Variants in PRKCE observed in about 807,000 individuals in gnomAD.
PRKCE encodes protein kinase C epsilon type.
PRKCE carries 16 observed loss-of-function variants against 85.4 expected under a neutral mutation model. The observed-to-expected ratio is 0.19, with a 90% CI of 0.13 to 0.28. The LOEUF is 0.28. PRKCE is among the 10% of genes least tolerant of loss of function. The pLI, the probability that PRKCE is intolerant of heterozygous loss-of-function variation, is 1.00. For missense variants in PRKCE, 573 were observed against 975.2 expected, an observed-to-expected ratio of 0.59 and a Z score of 5.49; for synonymous variants, 388 against 371.5, an observed-to-expected ratio of 1.04 and a Z score of -0.51.
rs72877712 is a variant in PRKCE at position 46,074,178 on chromosome 2, A to G, written c.1438-12030A>G. 3.1e-3 allele frequency among the ~76,000 whole-genome samples: 469 copies of G among 152,302 alleles called. 3 individuals are homozygous for G. Among genetic ancestry groups the G allele is most frequent in the African/African-American group, 0.01 (433 of 41,572 alleles). On this transcript the variant is annotated intron_variant, in intron 10 of 14. Coordinates refer to ENST00000306156, the MANE Select transcript of PRKCE (RefSeq NM_005400.3). Reference sequence around the variant, plus strand: ...TTTAAAACAGTCACAAGAACTTTGCATATTCTTAGGAAAGAAAAGGGTAAG... The same window carrying G: ...TTTAAAACAGTCACAAGAACTTTGCGTATTCTTAGGAAAGAAAAGGGTAAG...
At chr2:45,815,893 G>A (rs186271459) in intron 1 of PRKCE, among the ~76,000 whole-genome samples, 169 of 152,218 alleles carry the variant, frequency 1.1e-3, no homozygotes, top group Middle Eastern at 0.01. Context: ...CTGTTAAGTG[G>A]GAGCACTGGT....
chr2:45,910,978 C>T (rs2103826411), intron 2 of PRKCE, among the ~76,000 whole-genome samples: 2 of 152,292 alleles, frequency 1.3e-5, no homozygotes, highest in Middle Eastern at 6.8e-3. Flanking sequence ...GAATGGAAAA[C>T]AGGGCAAGAA....
chr2:45,699,885 A>G (rs1396198775), intron 1 of PRKCE, among the ~76,000 whole-genome samples: 2 of 152,108 alleles, frequency 1.3e-5, no homozygotes, highest in Admixed American at 1.3e-4. Flanking sequence ...GAGTGGAGAA[A>G]TGGGTGCTCG....
intron 1 of PRKCE, among the ~76,000 whole-genome samples, chr2:45,752,856 G>A (rs1683693852): frequency 6.6e-6 from 1 of 152,054 alleles, no homozygotes; most frequent in Non-Finnish European, 1.5e-5. Flanking sequence ...GGGACTTAGT[G>A]GCTTATATAA....
At chr2:45,928,964 G>A (rs1278978424) in intron 2 of PRKCE, among the ~76,000 whole-genome samples, 34 of 152,176 alleles carry the variant, frequency 2.2e-4, no homozygotes, top group Admixed American at 2.2e-3. Flanking sequence ...TATTGTAGGC[G>A]GGAGCAGCCT....
chr2:46,104,372 A>G (rs1158320170), intron 11 of PRKCE, among the ~76,000 whole-genome samples: 3 of 147,304 alleles, frequency 2.0e-5, no homozygotes, highest in Non-Finnish European at 3.0e-5. Context: ...AATCCTGTGA[A>G]GTCATGCACA....
At chr2:45,772,615 T>G (rs997352913) in intron 1 of PRKCE, among the ~76,000 whole-genome samples, 1 of 152,200 alleles carries the variant, frequency 6.6e-6, no homozygotes, top group Non-Finnish European at 1.5e-5. Flanking sequence ...CTTCCCACAG[T>G]GAGCTTGCTG....
chr2:45,757,136 T>C (rs1043758592), intron 1 of PRKCE, among the ~76,000 whole-genome samples: 2 of 151,774 alleles, frequency 1.3e-5, no homozygotes, highest in African/African-American at 4.8e-5. Context: ...GTGAGACACC[T>C]GTATCACGCT....
intron 1 of PRKCE, among the ~76,000 whole-genome samples, chr2:45,717,194 A>C (rs6716613): frequency 9.5e-4 from 144 of 152,306 alleles, no homozygotes; most frequent in Middle Eastern, 3.4e-3. Flanking sequence ...GGATGATAGA[A>C]TTACAGTGAA....
At chr2:45,857,688 C>T (rs2105616591) in intron 2 of PRKCE, among the ~76,000 whole-genome samples, 1 of 152,182 alleles carries the variant, frequency 6.6e-6, no homozygotes, top group African/African-American at 2.4e-5. Context: ...GCTGGGATTA[C>T]AGGCATGAGC....
At chr2:45,755,713 G>C (rs1364088323) in intron 1 of PRKCE, among the ~76,000 whole-genome samples, 1 of 152,196 alleles carries the variant, frequency 6.6e-6, no homozygotes, top group Non-Finnish European at 1.5e-5. Flanking sequence ...GCCCGGCTCT[G>C]TGGCTTGTAT....
At chr2:45,669,585 T>A (rs1311429687) in intron 1 of PRKCE, among the ~76,000 whole-genome samples, 1 of 152,178 alleles carries the variant, frequency 6.6e-6, no homozygotes, top group East Asian at 1.9e-4. Flanking sequence ...AAATGGCTAC[T>A]TGAAAAGACT....
intron 10 of PRKCE, among the ~76,000 whole-genome samples, chr2:46,077,503 G>A (rs567835207): frequency 2.0e-5 from 3 of 152,280 alleles, no homozygotes; most frequent in African/African-American, 7.2e-5. Context: ...GATGGAATTG[G>A]CCTTTGCTAT....
At chr2:46,038,974 A>G (rs571555479) in intron 10 of PRKCE, among the ~76,000 whole-genome samples, 2 of 152,202 alleles carry the variant, frequency 1.3e-5, no homozygotes, top group Admixed American at 6.5e-5. Flanking sequence ...TTTAGATGTA[A>G]TTTATCTAGT....
At chr2:46,091,165 G>T (rs1266894840) in intron 11 of PRKCE, among the ~76,000 whole-genome samples, 1 of 152,014 alleles carries the variant, frequency 6.6e-6, no homozygotes, top group East Asian at 1.9e-4. Context: ...GCTGGGTGGG[G>T]GTTCCTGTCC....
At chr2:45,873,268 G>A (rs1305749985) in intron 2 of PRKCE, among the ~76,000 whole-genome samples, 4 of 152,134 alleles carry the variant, frequency 2.6e-5, no homozygotes, top group Non-Finnish European at 5.9e-5. Context: ...CAGAAACTGA[G>A]CAAAAGCATT....
chr2:45,725,051 G>A (rs752414728), intron 1 of PRKCE, among the ~76,000 whole-genome samples: 1 of 152,174 alleles, frequency 6.6e-6, no homozygotes, highest in Non-Finnish European at 1.5e-5. Flanking sequence ...ATCAATACCT[G>A]GCTTCAAAGC....
intron 2 of PRKCE, among the ~76,000 whole-genome samples, chr2:45,922,802 A>T (rs1183419619): frequency 1.3e-5 from 2 of 152,234 alleles, no homozygotes; most frequent in Admixed American, 1.3e-4. Flanking sequence ...AAACGGGTGT[A>T]TCTTCCAGTG....
At chr2:46,181,190 T>C (rs1318307144) in intron 14 of PRKCE, among the ~76,000 whole-genome samples, 5 of 152,206 alleles carry the variant, frequency 3.3e-5, no homozygotes, top group African/African-American at 9.6e-5. Flanking sequence ...TGCAGTTCTT[T>C]GCAAATTTGA....
Sources: allele counts gnomAD v4.1 joint callset (sites outside exome capture counted in the v4.1 genomes callset), GRCh38; gene constraint gnomAD v4.1.1; transcripts MANE v1.5; gene names NCBI Gene and HGNC (gene_info 2026-07-23, HGNC 2026-07-21).